The following ANKRD55 variants were observed in gnomAD, a reference collection of about 807,000 sequenced individuals.
ANKRD55 encodes the protein ankyrin repeat domain 55, also known as ankyrin repeat domain-containing protein 55.
ANKRD55 carries 41 observed loss-of-function variants against 60.6 expected under a neutral mutation model. The observed-to-expected ratio is 0.68, with a 90% CI of 0.53 to 0.88. The LOEUF (loss-of-function observed/expected upper bound fraction) is 0.88, where lower values mean the gene tolerates loss of function less well. Ranked by LOEUF, ANKRD55 falls within the 40% of genes least tolerant of loss-of-function variation. The probability of loss-of-function intolerance (pLI) is 0.00; values close to 1 mark genes in which losing one functional copy is unlikely to be tolerated. For synonymous variants in ANKRD55, 264 were observed against 290.3 expected, an observed-to-expected ratio of 0.91 and a Z score of 0.92; for missense variants, 732 against 767.6, an observed-to-expected ratio of 0.95 and a Z score of 0.55.
At chr5:56,226,496 C>T (rs1205911324) in intron 2 of ANKRD55, among the ~76,000 whole-genome samples, 1 of 144,942 alleles carries the variant, frequency 6.9e-6, no homozygotes, top group Non-Finnish European at 1.5e-5. Flanking sequence ...TCTAATTAAA[C>T]TAGAGAGCTT....
chr5:56,226,029 T>G (rs1264689077), intron 2 of ANKRD55, among the ~76,000 whole-genome samples: 1 of 152,050 alleles, frequency 6.6e-6, no homozygotes, highest in African/African-American at 2.4e-5. Flanking sequence ...GCCAAGACAA[T>G]CCTAAGCAAA....
chr5:56,118,683 G>A (rs140786547), intron 8 of ANKRD55, among the ~76,000 whole-genome samples: 17 of 151,398 alleles, frequency 1.1e-4, no homozygotes, highest in African/African-American at 2.9e-4. Context: ...CTTTCAGAAC[G>A]GAACAATAAG....
chr5:56,105,891 T>A (rs915374525), intron 10 of ANKRD55, among the ~76,000 whole-genome samples: 10 of 152,194 alleles, frequency 6.6e-5, no homozygotes, highest in Non-Finnish European at 1.5e-4. Context: ...TTTTTTACTT[T>A]TCTTGTGACG....
rs141614211 is a variant in ANKRD55 at position 56,176,388 on chromosome 5, AG to A, written c.182-107del. 1.6e-3 allele frequency: 2,104 copies of A among 1,312,102 alleles called. 34 individuals are homozygous for A. The African/African-American group carries it at 0.027, about 17-fold the overall frequency. 81.3% of individuals were successfully genotyped at this position (1,312,102 alleles called of 1,614,324 possible). A position where few individuals can be genotyped will look rare whatever the true frequency, so the allele number is the denominator to read the frequency against. The stretch of plus-strand genomic sequence containing the variant: ...ATTTTGCTATTTGCAATACAAACCC[AG>A]CTGTTTGTATGGGACTGAAGGGAGA... On this transcript the variant is annotated intron_variant, in intron 3 of 11. Coordinates refer to ENST00000341048, the MANE Select transcript of ANKRD55 (RefSeq NM_024669.3).
At chr5:56,205,573 T>G (rs1296471996) in intron 2 of ANKRD55, among the ~76,000 whole-genome samples, 1 of 152,166 alleles carries the variant, frequency 6.6e-6, no homozygotes, top group Non-Finnish European at 1.5e-5. Context: ...GAGTAGAAGG[T>G]TGATCTCTAA....
chr5:56,185,624 C>T (rs1028716200), intron 2 of ANKRD55, among the ~76,000 whole-genome samples: 2 of 150,810 alleles, frequency 1.3e-5, no homozygotes, highest in African/African-American at 2.4e-5. Flanking sequence ...GCCCAGATGG[C>T]GCCATTGCAC....
At chr5:56,109,046 C>CACACACAT (rs1756585038) in intron 10 of ANKRD55, among the ~76,000 whole-genome samples, 1 of 97,780 alleles carries the variant, frequency 1.0e-5, no homozygotes, top group African/African-American at 2.9e-5. Context: ...AAAACACACA[C>CACACACAT]ACACACACAC....
chr5:56,138,747 G>C (rs1757676055), intron 7 of ANKRD55, among the ~76,000 whole-genome samples: 1 of 152,184 alleles, frequency 6.6e-6, no homozygotes, highest in Non-Finnish European at 1.5e-5. Context: ...GCTACATACA[G>C]TACAATTCCA....
chr5:56,132,424 C>CAAAAAAAAAAAAAAAAAA lies in ANKRD55; in HGVS notation c.613-5319_613-5318insTTTTTTTTTTTTTTTTTT, dbSNP rs34289990. Among the ~76,000 whole-genome samples the CAAAAAAAAAAAAAAAAAA allele has an allele frequency of 6.8e-4, 82 of 120,330 alleles. 2 individuals carry two copies. The highest frequency in any genetic ancestry group is 2.9e-3 in the African/African-American group (81 of 27,498). 78.9% of individuals were successfully genotyped at this position (120,330 alleles called of 152,430 possible). On this transcript the variant is annotated intron_variant, in intron 7 of 11. Transcript: ENST00000341048. ...TGAAACCCTGTCTCTACTTAAAATA[C>CAAAAAAAAAAAAAAAAAA]AAAAAAAAAAAAAAAAATTAGCTGG...
In ANKRD55 at chr5:56,127,020, T is replaced by G. The variant is rs201655144; in HGVS notation, c.699A>C (p.Thr233=). 6.2e-7 allele frequency: 1 copy of G among 1,614,022 alleles called. No homozygotes were observed. Among genetic ancestry groups the G allele is most frequent in the Non-Finnish European group, 8.5e-7 (1 of 1,179,950 alleles). The change falls in exon 8 of 12, where the codon ACA becomes ACC. Residue 233 remains threonine, a synonymous_variant. Coordinates refer to ENST00000341048, the MANE Select transcript of ANKRD55 (RefSeq NM_024669.3). ...CCGCTGCCGCTGCGATATGTACACATGTCTTCCCACTCTCATCATCATAGT... is the reference window on the plus strand; with the variant it reads ...CCGCTGCCGCTGCGATATGTACACAGGTCTTCCCACTCTCATCATCATAGT... ...IINYDDESGK[T]CVHIAAAAGF...
Position 56,159,822 on chromosome 5 carries a change from G to A in ANKRD55, c.483+11C>T, listed in dbSNP as rs1758280494. 1 of 1,613,536 alleles carries A rather than the reference G, an allele frequency of 6.2e-7. No homozygotes were observed. Among genetic ancestry groups the A allele is most frequent in the East Asian group, 2.2e-5 (1 of 44,870 alleles). The stretch of plus-strand genomic sequence containing the variant: ...CAAAATGACCACTTGTTGCTTGAGA[G>A]TGTGGCTCACCTCATTGTCCTGGTG... On this transcript the variant is annotated intron_variant, in intron 6 of 11. Transcript: ENST00000341048.
chr5:56,177,316 C>T (rs986513621), intron 3 of ANKRD55, among the ~76,000 whole-genome samples: 5 of 152,086 alleles, frequency 3.3e-5, no homozygotes, highest in African/African-American at 1.2e-4. Flanking sequence ...CAATGAAGTG[C>T]TATGTCTTAA....
At chr5:56,230,292 A>G (rs541606951) in intron 2 of ANKRD55, among the ~76,000 whole-genome samples, 1 of 152,078 alleles carries the variant, frequency 6.6e-6, no homozygotes, top group East Asian at 1.9e-4. Flanking sequence ...ACAGGCTTTC[A>G]CCCTGTTGGC....
intron 6 of ANKRD55, among the ~76,000 whole-genome samples, chr5:56,144,416 C>T (rs970125552): frequency 6.6e-5 from 10 of 152,142 alleles, no homozygotes; most frequent in Non-Finnish European, 1.0e-4. Flanking sequence ...TGCAATCCCC[C>T]ACCACCAGGG....
intron 2 of ANKRD55, among the ~76,000 whole-genome samples, chr5:56,231,928 C>A (rs913804146): frequency 6.6e-6 from 1 of 152,022 alleles, no homozygotes; most frequent in Non-Finnish European, 1.5e-5. Flanking sequence ...CTTAATGAGG[C>A]TTTTTCAAAC....
At chr5:56,157,319 A>AACT (rs1758218112) in intron 6 of ANKRD55, among the ~76,000 whole-genome samples, 1 of 152,232 alleles carries the variant, frequency 6.6e-6, no homozygotes, top group African/African-American at 2.4e-5. Context: ...TCTGCCTAGG[A>AACT]AAGCCAGGAA....
chr5:56,169,120 G>C (rs1404927135), intron 5 of ANKRD55, among the ~76,000 whole-genome samples: 1 of 152,170 alleles, frequency 6.6e-6, no homozygotes, highest in African/African-American at 2.4e-5. Flanking sequence ...GCCTCCCAAA[G>C]TGCTGGGATT....
At chr5:56,215,060 C>A (rs552358761) in intron 2 of ANKRD55, among the ~76,000 whole-genome samples, 9 of 152,140 alleles carry the variant, frequency 5.9e-5, no homozygotes, top group Non-Finnish European at 1.3e-4. Flanking sequence ...AACCAAAGAG[C>A]AAGATGCCAA....
Position 56,159,986 on chromosome 5 carries a change from C to T in ANKRD55, c.423-93G>A, listed in dbSNP as rs549451698. On this transcript the variant is annotated intron_variant, in intron 5 of 11. Transcript: ENST00000341048. ...AAAAACATGACCTTAGAAAAACCGTCAGTTGAAAGACTCCAAATGAAGATG... is the reference window on the plus strand; with the variant it reads ...AAAAACATGACCTTAGAAAAACCGTTAGTTGAAAGACTCCAAATGAAGATG... 3.8e-6 allele frequency: 4 copies of T among 1,053,184 alleles called. No homozygotes were observed. In the South Asian group the frequency reaches 3.9e-5, roughly 10 times the overall value. 65.2% of individuals were successfully genotyped at this position (1,053,184 alleles called of 1,614,324 possible).
Sources: gnomAD v4.1 joint callset for allele counts (sites outside exome capture counted in the v4.1 genomes callset) on GRCh38, gnomAD v4.1.1 for gene constraint, MANE v1.5 for transcripts, NCBI Gene and HGNC (gene_info 2026-07-23, HGNC 2026-07-21) for gene names.